Variants in CAPN13 observed in about 807,000 individuals in gnomAD.
CAPN13 encodes calpain 13.
In CAPN13, 90 loss-of-function variants were observed where a neutral mutation model predicts 98.4. The observed-to-expected ratio is 0.92, with a 90% CI of 0.77 to 1.09. The LOEUF is 1.09. CAPN13 is among the 50% of genes least tolerant of loss of function. The pLI, the probability that CAPN13 is intolerant of heterozygous loss-of-function variation, is 0.00. For synonymous variants in CAPN13, 330 were observed against 305.5 expected, an observed-to-expected ratio of 1.08 and a Z score of -0.84; for missense variants, 887 against 841.3, an observed-to-expected ratio of 1.05 and a Z score of -0.67.
chr2:30,760,803 C>T (rs192322668), intron 7 of CAPN13, among the ~76,000 whole-genome samples: 5 of 152,256 alleles, frequency 3.3e-5, no homozygotes, highest in Admixed American at 3.3e-4. Flanking sequence ...AGGGGTCACA[C>T]GCGAGGCCAA....
intron 1 of CAPN13, among the ~76,000 whole-genome samples, chr2:30,799,877 T>C (rs946295869): frequency 6.6e-6 from 1 of 151,850 alleles, no homozygotes; most frequent in Non-Finnish European, 1.5e-5. Context: ...ATCGAGACCA[T>C]CCTAGCTAAC....
chr2:30,763,243 C>A (rs1558319411), intron 6 of CAPN13, 87 bp from the exon 7 acceptor site: 5 of 1,186,258 alleles, frequency 4.2e-6, no homozygotes, highest in Non-Finnish European at 6.1e-6. Context: ...GCCACTGAGC[C>A]ATCTGGGCCT....
intron 8 of CAPN13, among the ~76,000 whole-genome samples, chr2:30,757,609 C>T (rs942313159): frequency 6.6e-6 from 1 of 152,224 alleles, no homozygotes; most frequent in African/African-American, 2.4e-5. Flanking sequence ...GATGATGTGA[C>T]ATGCTCAGGA....
intron 5 of CAPN13, among the ~76,000 whole-genome samples, chr2:30,768,424 G>T (rs1265365634): frequency 6.6e-6 from 1 of 152,220 alleles, no homozygotes; most frequent in African/African-American, 2.4e-5. Flanking sequence ...AGGTGACTGG[G>T]TGGGAGGAGG....
At chr2:30,786,367 C>T (rs889093984) in intron 2 of CAPN13, among the ~76,000 whole-genome samples, 1 of 152,064 alleles carries the variant, frequency 6.6e-6, no homozygotes, top group African/African-American at 2.4e-5. Context: ...GGTCCTTATC[C>T]GGGTGCTTTG....
At chr2:30,777,746 T>C (rs1673776832) in intron 2 of CAPN13, 107 bp from the exon 3 acceptor site, 1 of 929,228 alleles carries the variant, frequency 1.1e-6, no homozygotes, top group African/African-American at 1.6e-5. Context: ...CTTAAATAGG[T>C]GCTTAAAATC....
chr2:30,798,457 CAG>C (rs1448987908), intron 1 of CAPN13, among the ~76,000 whole-genome samples: 1 of 152,230 alleles, frequency 6.6e-6, no homozygotes, highest in African/African-American at 2.4e-5. Context: ...CTAAACCACT[CAG>C]TGACTTTCTG....
chr2:30,764,544 T>TA (rs879855510), intron 5 of CAPN13, among the ~76,000 whole-genome samples: 1 of 152,128 alleles, frequency 6.6e-6, no homozygotes, highest in Non-Finnish European at 1.5e-5. Flanking sequence ...CACAGTCCCA[T>TA]AAGTGGCAGC....
chr2:30,744,023 C>T (rs1402030961), intron 12 of CAPN13, among the ~76,000 whole-genome samples: 1 of 152,236 alleles, frequency 6.6e-6, no homozygotes, highest in African/African-American at 2.4e-5. Flanking sequence ...TGTTTCATCT[C>T]TCCAGTGAAG....
chr2:30,754,763 T>TTCC, intron 8 of CAPN13, among the ~76,000 whole-genome samples: 1 of 152,188 alleles, frequency 6.6e-6, no homozygotes, highest in Middle Eastern at 3.4e-3. Flanking sequence ...ATCCTACCTC[T>TTCC]TACACCCCTC....
Position 30,751,138 on chromosome 2 carries a change from C to G in CAPN13, c.1201G>C (p.Asp401His). 1 of 1,613,884 alleles carries G rather than the reference C, an allele frequency of 6.2e-7. No homozygotes were observed. Among genetic ancestry groups the G allele is most frequent in the Middle Eastern group, 1.6e-4 (1 of 6,062 alleles). The change falls in exon 11 of 23, where the codon GAT (aspartate) becomes CAT (histidine). Residue 401 changes from aspartate (D) to histidine (H), a missense_variant. Transcript: ENST00000295055. ...AVTPSNLKAE[D>H]AKFPLDFQVI... ...TGGAAATCGAGTGGAAATTTTGCAT[C>G]TTCTGCTTTCAAATTTGATGGTGTG...
intron 1 of CAPN13, among the ~76,000 whole-genome samples, chr2:30,796,429 G>T (rs1175617158): frequency 6.6e-6 from 1 of 151,886 alleles, no homozygotes; most frequent in Non-Finnish European, 1.5e-5. Context: ...GATCATGGAT[G>T]AATGGTCTGG....
intron 1 of CAPN13, among the ~76,000 whole-genome samples, chr2:30,801,142 G>A (rs894996382): frequency 3.3e-5 from 5 of 152,094 alleles, no homozygotes; most frequent in African/African-American, 1.2e-4. Flanking sequence ...CCTCGGCTCC[G>A]GGCCTGCTCA....
chr2:30,748,969 C>G (rs187030884), intron 11 of CAPN13, among the ~76,000 whole-genome samples: 42 of 152,224 alleles, frequency 2.8e-4, no homozygotes, highest in Admixed American at 2.4e-3. Flanking sequence ...ACCAGAAAGG[C>G]ATGCACCTAA....
At chr2:30,749,415 G>A (rs937993282) in intron 11 of CAPN13, among the ~76,000 whole-genome samples, 1 of 152,198 alleles carries the variant, frequency 6.6e-6, no homozygotes, top group Non-Finnish European at 1.5e-5. Flanking sequence ...CCTCTTATTA[G>A]TGTAAACCAC....
chr2:30,759,357 T>C (rs1672702364), intron 7 of CAPN13, among the ~76,000 whole-genome samples: 1 of 152,096 alleles, frequency 6.6e-6, no homozygotes, highest in African/African-American at 2.4e-5. Context: ...AGGGCAGGAC[T>C]GTGGGAAAGT....
chr2:30,777,628 CCCTGGTAGAT>C lies in CAPN13; in HGVS notation c.200_209del (p.Asp67GlyfsTer11). The C allele has an allele frequency of 6.3e-7, 1 of 1,575,212 alleles. No individual in the cohort carries two copies. Among genetic ancestry groups the C allele is most frequent in the Non-Finnish European group, 8.6e-7 (1 of 1,158,660 alleles). Reference sequence around the variant, plus strand: ...CATCCAGGATGAAGTGAGGAGGACCCCCTGGTAGATCCTTTAGGAAAGAGGGAGAAAAGCT... The same window carrying C: ...CATCCAGGATGAAGTGAGGAGGACCCCCTTTAGGAAAGAGGGAGAAAAGCT... On this transcript the variant is annotated frameshift_variant and splice_region_variant, in exon 3 of 23. Transcript: ENST00000295055. LOFTEE classifies it high-confidence loss of function.
chr2:30,783,512 A>C (rs1674100035), intron 2 of CAPN13, among the ~76,000 whole-genome samples: 1 of 152,228 alleles, frequency 6.6e-6, no homozygotes, highest in African/African-American at 2.4e-5. Context: ...AGGAAGGATA[A>C]GAGCCAGAGG....
chr2:30,736,356 C>G (rs1671363803), intron 18 of CAPN13, 147 bp downstream of exon 18: 1 of 753,052 alleles, frequency 1.3e-6, no homozygotes, highest in Admixed American at 2.5e-5. Context: ...CTATGTCTCC[C>G]CAAACAACAT....
Sources: allele counts gnomAD v4.1 joint callset (sites outside exome capture counted in the v4.1 genomes callset), GRCh38; gene constraint gnomAD v4.1.1; transcripts MANE v1.5; gene names NCBI Gene and HGNC (gene_info 2026-07-23, HGNC 2026-07-21).